The following GARS1 variants were observed in gnomAD, a reference collection of about 807,000 sequenced individuals.
The protein encoded by GARS1 is glycine--tRNA ligase.
A neutral mutation model predicts 86.4 loss-of-function variants in GARS1; 46 were observed. The ratio of observed to expected loss-of-function variants is 0.53; its 90% CI spans 0.42 to 0.68. The LOEUF (loss-of-function observed/expected upper bound fraction) is 0.68. Ranked by LOEUF, GARS1 falls within the 30% of genes least tolerant of loss-of-function variation. The pLI is 0.00. For missense variants in GARS1, 797 were observed against 915.6 expected, an observed-to-expected ratio of 0.87 and a Z score of 1.67; for synonymous variants, 342 against 329.8, an observed-to-expected ratio of 1.04 and a Z score of -0.40.
intron 1 of GARS1, chr7:30,595,975 T>C: frequency 2.2e-6 from 1 of 459,364 alleles, no homozygotes. Context: ...GGTGATTTAA[T>C]ATAGACCTCC....
chr7:30,597,436 A>G (rs1017821499), intron 1 of GARS1, among the ~76,000 whole-genome samples: 1 of 152,198 alleles, frequency 6.6e-6, no homozygotes, highest in Non-Finnish European at 1.5e-5. Flanking sequence ...ACGGCTTTTA[A>G]AATTATTTTT....
intron 5 of GARS1, 42 bp from the exon 6 acceptor site, chr7:30,603,454 C>T: frequency 6.6e-7 from 1 of 1,512,740 alleles, no homozygotes; most frequent in Non-Finnish European, 9.2e-7. Context: ...GTGCATTGTC[C>T]TTTTTCCCAT....
Position 30,631,431 on chromosome 7 carries a change from CT to C in GARS1, c.1810-12del, listed in dbSNP as rs1483671508. 4.4e-6 allele frequency: 7 copies of C among 1,593,176 alleles called. No homozygotes were observed. The African/African-American group carries it at 6.7e-5, about 15-fold the overall frequency. ...CAAATTAACATATTTGGATTTTTTT[CT>C]TTTTAAATCATCCAGTTCTTCAGTT... On this transcript the variant is annotated splice_polypyrimidine_tract_variant and intron_variant, in intron 14 of 16. Coordinates refer to ENST00000389266, the MANE Select transcript of GARS1 (RefSeq NM_002047.4).
chr7:30,629,587 G>A (rs1584052701), intron 14 of GARS1, among the ~76,000 whole-genome samples: 2 of 152,312 alleles, frequency 1.3e-5, no homozygotes, highest in Admixed American at 6.5e-5. Context: ...GACATCAACC[G>A]TGTGGTTCTT....
chr7:30,599,118 C>G (rs907551853), intron 2 of GARS1, among the ~76,000 whole-genome samples: 2 of 152,154 alleles, frequency 1.3e-5, no homozygotes, highest in Non-Finnish European at 2.9e-5. Context: ...CTTCCTGACC[C>G]TGCAAATGCT....
At chr7:30,608,255 C>T (rs1268155370) in intron 6 of GARS1, among the ~76,000 whole-genome samples, 1 of 152,222 alleles carries the variant, frequency 6.6e-6, no homozygotes, top group Non-Finnish European at 1.5e-5. Flanking sequence ...TTGCCAGATT[C>T]CCTTTCCCAG....
At chr7:30,630,685 G>GT (rs1045548514) in intron 14 of GARS1, among the ~76,000 whole-genome samples, 27 of 151,760 alleles carry the variant, frequency 1.8e-4, no homozygotes, top group African/African-American at 6.5e-4. Flanking sequence ...TAATTTTTTA[G>GT]TTTTTGTAGA....
intron 10 of GARS1, 152 bp from the exon 11 acceptor site, chr7:30,621,241 C>T (rs1199914441): frequency 7.0e-6 from 5 of 719,142 alleles, no homozygotes; most frequent in East Asian, 5.4e-5. Context: ...TGAGGCTATT[C>T]CCATTTCAAA....
At chr7:30,601,690 A>G (rs1182644538) in intron 4 of GARS1, among the ~76,000 whole-genome samples, 1 of 152,208 alleles carries the variant, frequency 6.6e-6, no homozygotes, top group Non-Finnish European at 1.5e-5. Context: ...ATACTTGTAG[A>G]GATTTTCAGT....
At chr7:30,606,518 C>T (rs1181171482) in intron 6 of GARS1, among the ~76,000 whole-genome samples, 1 of 151,986 alleles carries the variant, frequency 6.6e-6, no homozygotes, top group Non-Finnish European at 1.5e-5. Context: ...TCGTTTTTTC[C>T]TCCTACTGTT....
chr7:30,612,272 T>C (rs1562776217), intron 8 of GARS1, 27 bp downstream of exon 8: 1 of 1,606,570 alleles, frequency 6.2e-7, no homozygotes, highest in South Asian at 1.1e-5. Flanking sequence ...TCTTACAAAT[T>C]AGTGAATGAC....
chr7:30,617,046 C>T, intron 9 of GARS1, 68 bp from the exon 10 acceptor site: 1 of 1,517,754 alleles, frequency 6.6e-7, no homozygotes, highest in East Asian at 2.2e-5. Context: ...AAACCGATAT[C>T]TTGGCTTTGA....
In GARS1 at chr7:30,632,422, G is replaced by A. The variant is rs764692913; in HGVS notation, c.2079G>A (p.Arg693=). The stretch of plus-strand genomic sequence containing the variant: ...CTCTGAGGGACCGTGACTCAATGCG[G>A]CAGATAAGAGCAGAGGTATCTGGCC... ...TATLRDRDSM[R]QIRAEISELP... The change falls in exon 16 of 17, where the codon CGG becomes CGA. Residue 693 remains arginine (R), a synonymous_variant. Transcript: ENST00000389266. This position sits in a 1 kb window ranked among gnomAD's most constrained non-coding sequence, Gnocchi z 4.1. 6.2e-7 allele frequency: 1 copy of A among 1,614,166 alleles called. No homozygotes were observed. The highest frequency in any genetic ancestry group is 8.5e-7 in the Non-Finnish European group (1 of 1,179,980).
intron 8 of GARS1, among the ~76,000 whole-genome samples, chr7:30,612,521 A>G (rs750456396): frequency 1.2e-4 from 18 of 145,502 alleles, no homozygotes; most frequent in Middle Eastern, 3.4e-3. Context: ...TTCCTTGTTC[A>G]TCGTATATTT....
chr7:30,629,235 C>T (rs1783190521), intron 14 of GARS1, among the ~76,000 whole-genome samples: 1 of 152,102 alleles, frequency 6.6e-6, no homozygotes, highest in Non-Finnish European at 1.5e-5. Flanking sequence ...GAAAGCTTGA[C>T]AGATCATAAA....
At chr7:30,624,109 A>AT (rs144106227) in intron 12 of GARS1, among the ~76,000 whole-genome samples, 2,508 of 149,372 alleles carry the variant, frequency 0.017, 71 homozygotes, top group African/African-American at 0.058. Flanking sequence ...GTTTTTTTGC[A>AT]TTTTTTTTTT....
At chr7:30,597,611 A>C (rs1791280883) in intron 1 of GARS1, among the ~76,000 whole-genome samples, 1 of 152,218 alleles carries the variant, frequency 6.6e-6, no homozygotes, top group South Asian at 2.1e-4. Context: ...GAAACAAGCC[A>C]CCTTGAGTGA....
intron 6 of GARS1, among the ~76,000 whole-genome samples, chr7:30,606,432 T>G (rs1398406624): frequency 6.6e-6 from 1 of 152,042 alleles, no homozygotes; most frequent in African/African-American, 2.4e-5. Context: ...CTCCCACCCC[T>G]TGTCTTTTTA....
chr7:30,611,051 A>G (rs1176378174), intron 7 of GARS1, among the ~76,000 whole-genome samples: 1 of 152,204 alleles, frequency 6.6e-6, no homozygotes, highest in Non-Finnish European at 1.5e-5. Context: ...AAGTTATTTT[A>G]GTAAAATACT....
Sources: allele counts gnomAD v4.1 joint callset (sites outside exome capture counted in the v4.1 genomes callset), GRCh38; gene constraint gnomAD v4.1.1; non-coding constraint Gnocchi (gnomAD v3.1); transcripts MANE v1.5; gene names NCBI Gene and HGNC (gene_info 2026-07-23, HGNC 2026-07-21).